PRCC: variants seen among roughly 807,000 people sequenced by gnomAD.
PRCC encodes proline-rich protein PRCC.
Under a neutral mutation model 44.0 loss-of-function variants are expected in PRCC, and 10 were observed. The ratio of observed to expected loss-of-function variants is 0.23; its 90% CI spans 0.14 to 0.39. PRCC has a LOEUF of 0.39. Among genes scored for constraint, PRCC ranks in the 10% least tolerant of loss-of-function variants. The pLI, the probability that PRCC is intolerant of heterozygous loss-of-function variation, is 1.00. For missense variants in PRCC, 573 were observed against 624.7 expected (o/e 0.92, Z 0.88); for synonymous variants, 278 against 259.5 (o/e 1.07, Z -0.69).
intron 4 of PRCC, among the ~76,000 whole-genome samples, 189 bp downstream of exon 4, chr1:156,791,981 T>C (rs1299824606): frequency 6.7e-6 from 1 of 149,990 alleles, no homozygotes; most frequent in Non-Finnish European, 1.5e-5. Context: ...TTTTTCTTCA[T>C]GGAAGAAGGA....
chr1:156,787,794 A>G (rs1008345265), intron 3 of PRCC, among the ~76,000 whole-genome samples: 3 of 148,892 alleles, frequency 2.0e-5, no homozygotes, highest in Non-Finnish European at 4.5e-5. Context: ...GGGACTACAG[A>G]TGTGTGCCAC....
chr1:156,775,840 C>T (rs1172163118), intron 1 of PRCC, among the ~76,000 whole-genome samples: 1 of 151,980 alleles, frequency 6.6e-6, no homozygotes, highest in Non-Finnish European at 1.5e-5. Flanking sequence ...GAGATGAGGT[C>T]TCTCTACAGT....
intron 1 of PRCC, among the ~76,000 whole-genome samples, chr1:156,773,427 A>C (rs1024813465): frequency 6.6e-6 from 1 of 151,106 alleles, no homozygotes; most frequent in Non-Finnish European, 1.5e-5. Flanking sequence ...CAGAGAGGAC[A>C]GTGGTGGCCA....
Position 156,768,276 on chromosome 1 carries a change from C to T in PRCC, c.468+37C>T, listed in dbSNP as rs370304554. 2.6e-6 allele frequency: 4 copies of T among 1,530,266 alleles called. No homozygotes were observed. The East Asian group carries it at 7.3e-5, about 28-fold the overall frequency. The allele number at this position is 1,530,266 out of a possible 1,614,324, so 94.8% of individuals were successfully genotyped here. On this transcript the variant is annotated intron_variant, in intron 1 of 6. Coordinates refer to ENST00000271526, the MANE Select transcript of PRCC (RefSeq NM_005973.5). ...GGGAAGGCACCCCCAAACTGTCCATCGGGTTTGAGTCGGCTGTAGGAGGGA... is the reference window on the plus strand; with the variant it reads ...GGGAAGGCACCCCCAAACTGTCCATTGGGTTTGAGTCGGCTGTAGGAGGGA...
chr1:156,776,295 A>G (rs1055270170), intron 1 of PRCC, among the ~76,000 whole-genome samples: 3 of 152,220 alleles, frequency 2.0e-5, no homozygotes, highest in Admixed American at 6.5e-5. Flanking sequence ...GCTTGAGCCC[A>G]GGAGTTTGAG....
rs1443225492 is a variant in PRCC, at chr1:156,786,699, C to G, written c.608C>G (p.Ala203Gly). 1.2e-6 allele frequency: 2 copies of G among 1,614,196 alleles called. No individual in the cohort carries two copies. Among genetic ancestry groups the G allele is most frequent in the Non-Finnish European group, 8.5e-7 (1 of 1,180,038 alleles). The stretch of plus-strand genomic sequence containing the variant: ...ACTAACAGGTTGCTCCTGCCCCATG[C>G]CTTCTCCCGCAAACCCTCGGATGGC... ...KETNRLLLPH[A>G]FSRKPSDGSP... The change falls in exon 3 of 7, where the codon GCC (alanine) becomes GGC (glycine). Residue 203 changes from alanine (A) to glycine (G), a missense_variant. Ala to Gly is a moderately conservative substitution (Grantham distance 60, BLOSUM62 0). Around this residue, in one of 4 missense-constraint regions of PRCC, gnomAD observed 118 missense variants for 166.7 expected, o/e 0.71. Transcript: ENST00000271526.
rs1652247459 is a variant in PRCC at position 156,786,458 on chromosome 1, G to A, written c.517-150G>A. On this transcript the variant is annotated intron_variant, in intron 2 of 6. Transcript: ENST00000271526. ...AGCAGGAGTCAAGCCCAGATTAGGT[G>A]GTCTGAGTGGACGGAGGTAAGGAAG... is the stretch of plus-strand genomic sequence containing the variant. The A allele has an allele frequency of 3.0e-5, 23 of 773,428 alleles. No individual in the cohort carries two copies. The South Asian group carries it at 4.4e-4, about 15-fold the overall frequency. 47.9% of individuals were successfully genotyped at this position (773,428 alleles called of 1,614,324 possible).
intron 1 of PRCC, among the ~76,000 whole-genome samples, chr1:156,778,765 T>A (rs943034780): frequency 1.3e-5 from 2 of 151,584 alleles, no homozygotes; most frequent in African/African-American, 4.9e-5. Context: ...GTATTTTTTG[T>A]GGAGACAGAG....
At chr1:156,782,230 T>G in intron 1 of PRCC, 52 bp from the exon 2 acceptor site, 1 of 1,498,130 alleles carries the variant, frequency 6.7e-7, no homozygotes, top group Admixed American at 1.8e-5. Context: ...TTAATGTGTT[T>G]CCTTTACTGT....
At chr1:156,797,230 C>A (rs1558055808) in intron 5 of PRCC, 46 bp from the exon 6 acceptor site, 1 of 1,611,868 alleles carries the variant, frequency 6.2e-7, no homozygotes, top group Admixed American at 1.7e-5. Flanking sequence ...TGAGAAACTT[C>A]TGCTTTCATC....
At chr1:156,773,200 C>T (rs558249437) in intron 1 of PRCC, among the ~76,000 whole-genome samples, 60 of 152,238 alleles carry the variant, frequency 3.9e-4, no homozygotes, top group African/African-American at 1.4e-3. Context: ...GTTCTTATTT[C>T]CTCCTTGGCT....
chr1:156,788,722 G>C (rs530888715), intron 3 of PRCC, among the ~76,000 whole-genome samples: 1 of 144,884 alleles, frequency 6.9e-6, no homozygotes, highest in Non-Finnish European at 1.5e-5. Context: ...GAGTGCAATG[G>C]TGCGATCTCA....
intron 6 of PRCC, among the ~76,000 whole-genome samples, 179 bp downstream of exon 6, chr1:156,797,520 G>C (rs1042441167): frequency 6.6e-6 from 1 of 152,184 alleles, no homozygotes; most frequent in Non-Finnish European, 1.5e-5. Flanking sequence ...GAATTATCCT[G>C]CTCTACTTCA....
intron 2 of PRCC, among the ~76,000 whole-genome samples, chr1:156,783,417 T>C (rs1238450421): frequency 2.0e-5 from 3 of 152,194 alleles, no homozygotes; most frequent in Non-Finnish European, 2.9e-5. Flanking sequence ...GTTGATCATA[T>C]GTCTCAGGGA....
chr1:156,777,974 G>GTTA (rs1423678579), intron 1 of PRCC, among the ~76,000 whole-genome samples: 1 of 152,192 alleles, frequency 6.6e-6, no homozygotes, highest in East Asian at 1.9e-4. Context: ...ACAAGATGAT[G>GTTA]TTAAGATTTA....
rs1652452113 is a variant in PRCC at position 156,791,004 on chromosome 1, T to C, written c.1084-693T>C. ...CAAGGAGGAAACAGTTTATTGGCCC[T>C]GTGGCTGCCTGACTTCACCAAGCAG... On this transcript the variant is annotated intron_variant, in intron 3 of 6. Coordinates refer to ENST00000271526, the MANE Select transcript of PRCC (RefSeq NM_005973.5). 57 of 935,012 alleles carry C rather than the reference T, an allele frequency of 6.1e-5. No individual in the cohort carries two copies. The South Asian group carries it at 7.5e-4, about 12-fold the overall frequency. The allele number at this position is 935,012 out of a possible 1,614,324, so 57.9% of individuals were successfully genotyped here.
rs780562511 is a variant in PRCC at position 156,767,881 on chromosome 1, G to C, written c.110G>C (p.Gly37Ala). The change falls in exon 1 of 7, where the codon GGC becomes GCC. Residue 37 changes from glycine to alanine, a missense_variant. By Grantham distance (60) the Gly-to-Ala change is moderately conservative. Around this residue, in one of 4 missense-constraint regions of PRCC, gnomAD observed 245 missense variants for 188.5 expected, o/e 1.30. Coordinates refer to ENST00000271526, the MANE Select transcript of PRCC (RefSeq NM_005973.5). ...CCTACATCTGGGCCCGCTTTAGGGG[G>C]CTTGTTCGCTTCTCTCCCTGCGCCC... is the stretch of plus-strand genomic sequence containing the variant. Reference protein sequence around the residue: ...VAPTSGPALGGLFASLPAPKG... With the variant: ...VAPTSGPALGALFASLPAPKG... 10 of 1,604,608 alleles carry C rather than the reference G, an allele frequency of 6.2e-6. No individual in the cohort carries two copies. The East Asian group carries it at 1.8e-4, about 29-fold the overall frequency.
At chr1:156,800,318 A>T (rs1259212174) in intron 6 of PRCC, 56 bp from the exon 7 acceptor site, 1 of 1,534,016 alleles carries the variant, frequency 6.5e-7, no homozygotes, top group Non-Finnish European at 9.0e-7. Context: ...AGGCAAGAGG[A>T]CAGCGTTTCT....
At chr1:156,791,198 A>G in intron 3 of PRCC, 1 of 1,337,962 alleles carries the variant, frequency 7.5e-7, no homozygotes, top group Non-Finnish European at 1.0e-6. Flanking sequence ...GGTTATTTTA[A>G]ATCAGAGATC....
Sources: gnomAD v4.1 joint callset for allele counts (sites outside exome capture counted in the v4.1 genomes callset) on GRCh38, gnomAD v4.1.1 for gene constraint, gnomAD v4.1.1 regional missense constraint, MANE v1.5 for transcripts, NCBI Gene and HGNC (gene_info 2026-07-23, HGNC 2026-07-21) for gene names.